Variants in PRKG1 observed in about 807,000 individuals in gnomAD.
The protein encoded by PRKG1 is cGMP-dependent protein kinase 1.
Under a neutral mutation model 88.1 loss-of-function variants are expected in PRKG1, and 35 were observed. That is an observed-to-expected ratio of 0.40 (90% confidence interval 0.30 to 0.53). The LOEUF (loss-of-function observed/expected upper bound fraction) is 0.53. Ranked by LOEUF, PRKG1 falls within the 20% of genes least tolerant of loss-of-function variation. The pLI is 0.59. For synonymous variants in PRKG1, 303 were observed against 292.5 expected, an observed-to-expected ratio of 1.04 and a Z score of -0.37; for missense variants, 540 against 839.8, an observed-to-expected ratio of 0.64 and a Z score of 4.41.
At chr10:51,140,780 A>T (rs1019835258) in intron 1 of PRKG1, among the ~76,000 whole-genome samples, 9 of 152,056 alleles carry the variant, frequency 5.9e-5, no homozygotes, top group Non-Finnish European at 1.3e-4. Context: ...AGACTGTGGC[A>T]GGGCTGTGTG....
intron 3 of PRKG1, among the ~76,000 whole-genome samples, chr10:51,689,241 T>TATCTATCTATC (rs1187019499): frequency 1.4e-5 from 2 of 145,656 alleles, no homozygotes; most frequent in African/African-American, 5.5e-5. Flanking sequence ...ATCTATCTAC[T>TATCTATCTATC]ATCTATCTAT....
chr10:51,138,844 G>A (rs1346630183), intron 1 of PRKG1, among the ~76,000 whole-genome samples: 3 of 151,436 alleles, frequency 2.0e-5, no homozygotes, highest in African/African-American at 4.9e-5. Flanking sequence ...CACCATGCCC[G>A]GCTAATTTTT....
chr10:52,025,918 T>C (rs75219163), intron 5 of PRKG1, among the ~76,000 whole-genome samples: 11,821 of 151,346 alleles, frequency 0.078, 745 homozygotes, highest in East Asian at 0.32. Flanking sequence ...CTTCAAACTA[T>C]ACTACAAGGC....
At chr10:51,870,245 A>G (rs918056122) in intron 4 of PRKG1, among the ~76,000 whole-genome samples, 2 of 152,160 alleles carry the variant, frequency 1.3e-5, no homozygotes, top group African/African-American at 4.8e-5. Context: ...GCCCAAATCA[A>G]GTGACCCAAT....
intron 4 of PRKG1, among the ~76,000 whole-genome samples, chr10:51,842,692 T>C (rs980978662): frequency 6.6e-6 from 1 of 152,220 alleles, no homozygotes; most frequent in African/African-American, 2.4e-5. Flanking sequence ...ATACTATATG[T>C]GTATATGTAT....
intron 3 of PRKG1, among the ~76,000 whole-genome samples, chr10:51,694,970 A>G (rs576077304): frequency 6.6e-6 from 1 of 152,248 alleles, no homozygotes; most frequent in East Asian, 1.9e-4. Flanking sequence ...TTTGAAATGG[A>G]AATAGTTGTT....
chr10:50,998,662 C>T (rs1206811581), intron 1 of PRKG1, among the ~76,000 whole-genome samples: 2 of 152,090 alleles, frequency 1.3e-5, no homozygotes, highest in Admixed American at 6.6e-5. Flanking sequence ...GCAGGAGAAT[C>T]GCTTGAACCT....
chr10:51,105,978 A>G (rs553249851), intron 1 of PRKG1, among the ~76,000 whole-genome samples: 1 of 152,316 alleles, frequency 6.6e-6, no homozygotes, highest in East Asian at 1.9e-4. Context: ...TATAAGAGAC[A>G]AGACAGAAAA....
intron 1 of PRKG1, among the ~76,000 whole-genome samples, chr10:51,080,239 A>G (rs1844072455): frequency 6.6e-6 from 1 of 152,186 alleles, no homozygotes; most frequent in South Asian, 2.1e-4. Context: ...TGGGTCTTAT[A>G]ATGAAGATAC....
At chr10:51,724,456 C>T (rs1384097807) in intron 3 of PRKG1, among the ~76,000 whole-genome samples, 2 of 152,210 alleles carry the variant, frequency 1.3e-5, no homozygotes, top group Non-Finnish European at 2.9e-5. Flanking sequence ...TCAAAACCGT[C>T]CCTACTGTTT....
Position 50,991,369 on chromosome 10 carries a change from C to CA in PRKG1, c.-9dup. The CA allele has an allele frequency of 6.6e-7, 1 of 1,517,510 alleles. No homozygotes were observed. Among genetic ancestry groups the CA allele is most frequent in the African/African-American group, 1.4e-5 (1 of 69,096 alleles). 94.0% of individuals were successfully genotyped at this position (1,517,510 alleles called of 1,614,324 possible). On this transcript the variant is annotated 5_prime_UTR_variant, in exon 1 of 18. Transcript: ENST00000401604. This position sits in a 1 kb window ranked among gnomAD's most constrained non-coding sequence, Gnocchi z 4.5. ...CGAGAAAAAGTTTCGCGGAGGGGCT[C>CA]AGTGAAAAAATGAGCGAGCTAGAGG...
chr10:50,991,704 G>C lies in PRKG1; in HGVS notation c.266+60G>C. 1.7e-6 allele frequency: 2 copies of C among 1,173,262 alleles called. No individual in the cohort carries two copies. Among genetic ancestry groups the C allele is most frequent in the Non-Finnish European group, 2.1e-6 (2 of 944,622 alleles). The allele number at this position is 1,173,262 out of a possible 1,614,324, so 72.7% of individuals were successfully genotyped here. ...CCGGCCCGCGGCGCAGAGGCTGGGG[G>C]CTCTGGCCGCGGCGGCGGGGGCGGG... is the stretch of plus-strand genomic sequence containing the variant. On this transcript the variant is annotated intron_variant, in intron 1 of 17. Coordinates refer to the PRKG1 transcript ENST00000401604. The surrounding 1 kb of genome is among the most constrained non-coding windows in gnomAD (Gnocchi z 4.5).
intron 9 of PRKG1, among the ~76,000 whole-genome samples, chr10:52,210,471 G>A (rs1839940064): frequency 6.6e-6 from 1 of 152,028 alleles, no homozygotes; most frequent in Non-Finnish European, 1.5e-5. Context: ...CACACCCTAT[G>A]CAATCATAGA....
intron 2 of PRKG1, among the ~76,000 whole-genome samples, chr10:51,293,204 C>G (rs1254931595): frequency 2.6e-5 from 4 of 151,756 alleles, no homozygotes; most frequent in Non-Finnish European, 1.5e-5. Context: ...TTTTTTCTTT[C>G]TTTTTTGTAT....
intron 3 of PRKG1, among the ~76,000 whole-genome samples, chr10:51,684,243 G>T (rs1840927540): frequency 6.6e-6 from 1 of 152,142 alleles, no homozygotes; most frequent in Admixed American, 6.5e-5. Context: ...AGAAGCTGAA[G>T]ACCATACGTT....
chr10:51,976,339 C>T (rs1340244200), intron 5 of PRKG1, among the ~76,000 whole-genome samples: 1 of 151,922 alleles, frequency 6.6e-6, no homozygotes, highest in Non-Finnish European at 1.5e-5. Context: ...ATAGCTCAAA[C>T]TGAAAGCCAT....
At chr10:51,336,411 C>G (rs1162140457) in intron 2 of PRKG1, among the ~76,000 whole-genome samples, 1 of 151,782 alleles carries the variant, frequency 6.6e-6, no homozygotes, top group African/African-American at 2.4e-5. Flanking sequence ...AAAGTACATC[C>G]AAATTATATT....
chr10:51,579,695 A>G (rs1837981163), intron 3 of PRKG1, among the ~76,000 whole-genome samples: 1 of 152,110 alleles, frequency 6.6e-6, no homozygotes, highest in South Asian at 2.1e-4. Flanking sequence ...GCTATTGTTA[A>G]CTACTTCTAG....
intron 3 of PRKG1, 23 bp downstream of exon 3, chr10:51,467,859 A>G (rs757209223): frequency 6.4e-7 from 1 of 1,572,974 alleles, no homozygotes; most frequent in Admixed American, 1.7e-5. Context: ...TCATATTTTT[A>G]AAATATTTTC....
Sources: allele counts gnomAD v4.1 joint callset (sites outside exome capture counted in the v4.1 genomes callset), GRCh38; gene constraint gnomAD v4.1.1; non-coding constraint Gnocchi (gnomAD v3.1); transcripts MANE v1.5; gene names NCBI Gene and HGNC (gene_info 2026-07-23, HGNC 2026-07-21).